Variants in ADORA1 observed in about 807,000 individuals in gnomAD.
ADORA1 encodes adenosine A1 receptor.
In ADORA1, 6 loss-of-function variants were observed where a neutral mutation model predicts 19.9. The observed-to-expected ratio is 0.30, with a 90% CI of 0.17 to 0.59. The LOEUF (loss-of-function observed/expected upper bound fraction) is 0.59, where lower values mean the gene tolerates loss of function less well. Ranked by LOEUF, ADORA1 falls within the 20% of genes least tolerant of loss-of-function variation. The pLI, the probability that ADORA1 is intolerant of heterozygous loss-of-function variation, is 0.87. For synonymous variants in ADORA1, 194 were observed against 188.4 expected, an observed-to-expected ratio of 1.03 and a Z score of -0.24; for missense variants, 302 against 439.2, an observed-to-expected ratio of 0.69 and a Z score of 2.79.
At chr1:203,135,224 T>G (rs1299679236) in intron 3 of ADORA1, among the ~76,000 whole-genome samples, 1 of 152,266 alleles carries the variant, frequency 6.6e-6, no homozygotes, top group South Asian at 2.1e-4. Context: ...GAAAAATTTT[T>G]GAATAAATGA....
At chr1:203,163,389 G>A (rs1454998639) in intron 3 of ADORA1, among the ~76,000 whole-genome samples, 1 of 152,190 alleles carries the variant, frequency 6.6e-6, no homozygotes, top group Non-Finnish European at 1.5e-5. Flanking sequence ...GTCTGCACCA[G>A]GCCTGGCCAT....
chr1:203,161,138 G>T (rs191679964), intron 3 of ADORA1, among the ~76,000 whole-genome samples: 6 of 152,328 alleles, frequency 3.9e-5, no homozygotes, highest in African/African-American at 1.4e-4. Flanking sequence ...CCAACACTGA[G>T]AGGTTCAATG....
At chr1:203,130,065 G>C (rs1036288710) in intron 3 of ADORA1, among the ~76,000 whole-genome samples, 1 of 152,232 alleles carries the variant, frequency 6.6e-6, no homozygotes. Flanking sequence ...CTGCTGGGAC[G>C]CTCTTGTGAG....
At chr1:203,137,764 G>A (rs934593455) in intron 3 of ADORA1, among the ~76,000 whole-genome samples, 9 of 152,152 alleles carry the variant, frequency 5.9e-5, no homozygotes, top group African/African-American at 1.9e-4. Context: ...CCACTACCCC[G>A]ATCAATATTT....
chr1:203,150,417 G>T (rs1475331403), intron 3 of ADORA1, among the ~76,000 whole-genome samples: 1 of 152,224 alleles, frequency 6.6e-6, no homozygotes, highest in Non-Finnish European at 1.5e-5. Flanking sequence ...CTGGCCTGTG[G>T]CTTCTGTAGG....
At chr1:203,144,117 C>CACACACACAG (rs1558131142) in intron 3 of ADORA1, among the ~76,000 whole-genome samples, 1 of 150,654 alleles carries the variant, frequency 6.6e-6, no homozygotes, top group East Asian at 1.9e-4. Flanking sequence ...CACACACACA[C>CACACACACAG]ACACAGCTGT....
intron 3 of ADORA1, among the ~76,000 whole-genome samples, chr1:203,138,139 C>A (rs947313353): frequency 2.0e-5 from 3 of 152,152 alleles, no homozygotes; most frequent in African/African-American, 7.2e-5. Context: ...TATGACCAGA[C>A]TTTTACTTCT....
At chr1:203,136,510 GC>G (rs1049644219) in intron 3 of ADORA1, among the ~76,000 whole-genome samples, 9 of 152,210 alleles carry the variant, frequency 5.9e-5, no homozygotes, top group African/African-American at 1.9e-4. Flanking sequence ...CAGGCACTTG[GC>G]CAGGCCTGGG....
chr1:203,154,008 A>G (rs527743151), intron 3 of ADORA1, among the ~76,000 whole-genome samples: 1 of 152,198 alleles, frequency 6.6e-6, no homozygotes, highest in South Asian at 2.1e-4. Flanking sequence ...ATCCCTGACT[A>G]TCCAAACCGC....
Position 203,128,255 on chromosome 1 carries a change from C to T in ADORA1, c.-212-23C>T. ...AAAGCGTCCGGGGCTGAGTCTCTGCCGTACCATGTGATTGCTTGAAAGGCC... is the reference window on the plus strand; with the variant it reads ...AAAGCGTCCGGGGCTGAGTCTCTGCTGTACCATGTGATTGCTTGAAAGGCC... On this transcript the variant is annotated intron_variant, in intron 1 of 3. Coordinates refer to ENST00000337894, the MANE Select transcript of ADORA1 (RefSeq NM_000674.3). This position sits in a 1 kb window ranked among gnomAD's most constrained non-coding sequence, Gnocchi z 5.9. The T allele has an allele frequency of 2.6e-6, 3 of 1,174,914 alleles. No individual in the cohort carries two copies. The highest frequency in any genetic ancestry group is 2.2e-6 in the Non-Finnish European group (2 of 894,742). The allele number at this position is 1,174,914 out of a possible 1,614,324, so 72.8% of individuals were successfully genotyped here.
At chr1:203,154,741 G>C (rs915039234) in intron 3 of ADORA1, among the ~76,000 whole-genome samples, 3 of 152,180 alleles carry the variant, frequency 2.0e-5, no homozygotes, top group Non-Finnish European at 4.4e-5. Flanking sequence ...AATGCAGCCT[G>C]CCGGGGTCAG....
intron 3 of ADORA1, among the ~76,000 whole-genome samples, chr1:203,158,645 C>T (rs1655268423): frequency 6.6e-6 from 1 of 152,174 alleles, no homozygotes; most frequent in African/African-American, 2.4e-5. Context: ...AGAGCAACAA[C>T]CCCACTTCTG....
At chr1:203,150,712 G>T (rs1279912616) in intron 3 of ADORA1, 2 of 1,289,738 alleles carry the variant, frequency 1.6e-6, no homozygotes, top group Admixed American at 4.6e-5. Flanking sequence ...TTCTAATGTG[G>T]AAGCACAAGC....
At position 203,165,509 on chromosome 1, in the gene ADORA1, T is replaced by C. The variant is rs773306244; in HGVS notation, c.590T>C (p.Val197Ala). 8 of 1,613,404 alleles carry C rather than the reference T, an allele frequency of 5.0e-6. No homozygotes were observed. In the East Asian group the frequency reaches 1.8e-4, roughly 36 times the overall value. The part of the protein sequence containing the change: ...VWVLPPLLLM[V>A]LIYLEVFYLI... ...GTGCTGCCCCCGCTTCTCCTCATGG[T>C]CCTCATCTACCTGGAGGTCTTCTAC... Residue 197 changes from valine (V) to alanine (A), a missense_variant, in exon 4 of 4, where the codon GTC (valine) becomes GCC (alanine). Transcript: ENST00000337894. This position sits in a 1 kb window ranked among gnomAD's most constrained non-coding sequence, Gnocchi z 5.9.
At chr1:203,132,171 C>T (rs146492401) in intron 3 of ADORA1, among the ~76,000 whole-genome samples, 98 of 152,306 alleles carry the variant, frequency 6.4e-4, no homozygotes, top group Non-Finnish European at 9.0e-4. Context: ...ATAATTTGCA[C>T]GCTATTTGCA....
In ADORA1 at chr1:203,166,279, G is replaced by A. The variant is rs200687303; in HGVS notation, c.*379G>A. The A allele has an allele frequency of 3.2e-5, 6 of 187,072 alleles. No individual in the cohort carries two copies. The highest frequency in any genetic ancestry group is 4.3e-5 in the Non-Finnish European group (4 of 92,012). 11.6% of individuals were successfully genotyped at this position (187,072 alleles called of 1,614,324 possible). On this transcript the variant is annotated 3_prime_UTR_variant, in exon 4 of 4. Transcript: ENST00000337894. ...TGGGAGAAGGTGCTTGGGCTTCTGC[G>A]GTGAGGCAGGGGAGTCTGCTTGTCT... is the stretch of plus-strand genomic sequence containing the variant.
intron 3 of ADORA1, among the ~76,000 whole-genome samples, chr1:203,160,782 G>A (rs980135793): frequency 6.6e-6 from 1 of 152,216 alleles, no homozygotes; most frequent in South Asian, 2.1e-4. Flanking sequence ...CTGCACTCCA[G>A]CCTAGGAGAC....
chr1:203,161,075 C>G (rs935004309), intron 3 of ADORA1, among the ~76,000 whole-genome samples: 1 of 152,196 alleles, frequency 6.6e-6, no homozygotes, highest in Admixed American at 6.5e-5. Context: ...CATACTGACA[C>G]TCTTGCAGCA....
intron 3 of ADORA1, among the ~76,000 whole-genome samples, chr1:203,142,871 C>T (rs924156447): frequency 6.6e-6 from 1 of 152,156 alleles, no homozygotes; most frequent in Admixed American, 6.5e-5. Flanking sequence ...GGGAGAAAAC[C>T]GTTCAGTGTG....
Sources: allele counts gnomAD v4.1 joint callset (sites outside exome capture counted in the v4.1 genomes callset), GRCh38; gene constraint gnomAD v4.1.1; non-coding constraint Gnocchi (gnomAD v3.1); transcripts MANE v1.5; gene names NCBI Gene and HGNC (gene_info 2026-07-23, HGNC 2026-07-21).